The following MSN variants were observed in gnomAD, a reference collection of about 807,000 sequenced individuals.
The protein encoded by MSN is epididymis luminal protein 70.
Under a neutral mutation model 48.0 loss-of-function variants are expected in MSN, and 2 were observed. The observed-to-expected ratio is 0.04, with a 90% CI of 0.02 to 0.13. The LOEUF is 0.13. Ranked by LOEUF, MSN falls within the 10% of genes least tolerant of loss-of-function variation. The pLI is 1.00. For missense variants in MSN, 267 were observed against 470.1 expected, an observed-to-expected ratio of 0.57 and a Z score of 3.99; for synonymous variants, 146 against 166.9, an observed-to-expected ratio of 0.87 and a Z score of 0.97.
intron 1 of MSN, among the ~76,000 whole-genome samples, chrX:65,678,162 C>G (rs747869091): frequency 5.4e-5 from 6 of 111,740 alleles, no homozygotes; most frequent in Non-Finnish European, 1.1e-4. Context: ...TTTCTCCCCC[C>G]TCAAGTTACT....
intron 1 of MSN, among the ~76,000 whole-genome samples, chrX:65,704,693 T>C (rs761535854): frequency 1.1e-4 from 12 of 109,987 alleles, no homozygotes; most frequent in Admixed American, 2.0e-4. Context: ...AATAATAGTA[T>C]GCTTGAAGTA....
intron 1 of MSN, among the ~76,000 whole-genome samples, chrX:65,643,412 G>A (rs10284129): frequency 0.11 from 12,159 of 109,858 alleles, 1,705 homozygotes; most frequent in African/African-American, 0.38. Flanking sequence ...GGGAGGAGAC[G>A]TTTGGGGAGG....
intron 2 of MSN, among the ~76,000 whole-genome samples, chrX:65,718,549 G>A (rs1222788568): frequency 9.0e-6 from 1 of 111,610 alleles, no homozygotes; most frequent in African/African-American, 3.3e-5. Context: ...TGGAGTTGAC[G>A]TGATGTGGTG....
chrX:65,607,886 G>A (rs985774790), intron 1 of MSN, among the ~76,000 whole-genome samples: 3 of 111,881 alleles, frequency 2.7e-5, no homozygotes, highest in Non-Finnish European at 3.8e-5. Context: ...TACTCAGGAG[G>A]TTGAGGCAGG....
At chrX:65,736,636 C>T in intron 8 of MSN, among the ~76,000 whole-genome samples, 159 bp from the exon 9 acceptor site, 1 of 110,411 alleles carries the variant, frequency 9.1e-6, no homozygotes, top group Non-Finnish European at 1.9e-5. Context: ...CGGGGTTTCA[C>T]TGTGTTAGCC....
At chrX:65,670,875 A>C (rs1262920187) in intron 1 of MSN, among the ~76,000 whole-genome samples, 4 of 77,673 alleles carry the variant, frequency 5.1e-5, no homozygotes, top group African/African-American at 1.9e-4. Context: ...TGCCATCTAC[A>C]TTTTTTGGTG....
intron 1 of MSN, among the ~76,000 whole-genome samples, chrX:65,599,927 A>G (rs2070220188): frequency 9.1e-6 from 1 of 110,245 alleles, no homozygotes; most frequent in Non-Finnish European, 1.9e-5. Context: ...TCCCTCTGGC[A>G]GGCAGCCCTA....
chrX:65,667,022 A>C (rs1042652854), upstream of MSN, among the ~76,000 whole-genome samples: 3 of 112,111 alleles, frequency 2.7e-5, no homozygotes, highest in African/African-American at 9.7e-5. Context: ...AAGATAAATG[A>C]GGACTGAGCA....
chrX:65,725,959 G>A (rs1392365827), intron 2 of MSN, among the ~76,000 whole-genome samples: 1 of 112,122 alleles, frequency 8.9e-6, no homozygotes, highest in Non-Finnish European at 1.9e-5. Context: ...TAAGGAAGGC[G>A]AGGCCCAGAG....
intron 2 of MSN, among the ~76,000 whole-genome samples, chrX:65,723,707 A>G (rs1357904432): frequency 1.8e-5 from 2 of 111,993 alleles, no homozygotes; most frequent in Non-Finnish European, 3.8e-5. Flanking sequence ...TGGCTTGGAA[A>G]AGGGGTTTAG....
chrX:65,699,037 C>T (rs564950125), intron 1 of MSN, among the ~76,000 whole-genome samples: 1 of 112,119 alleles, frequency 8.9e-6, no homozygotes, highest in Middle Eastern at 4.6e-3. Flanking sequence ...GGGTTACAAA[C>T]TGTTTGGCTG....
chrX:65,728,649 G>T (rs201139131), intron 3 of MSN, among the ~76,000 whole-genome samples: 66 of 111,468 alleles, frequency 5.9e-4, no homozygotes, highest in East Asian at 5.6e-4. Flanking sequence ...AAATCTGAAA[G>T]ATCTTACAGT....
At chrX:65,735,234 C>CCAAATTCTTTCTGATTG (rs1396867901) in intron 7 of MSN, 33 bp from the exon 8 acceptor site, 2 of 1,202,983 alleles carry the variant, frequency 1.7e-6, no homozygotes, top group Non-Finnish European at 2.2e-6. Flanking sequence ...ACCTGTCCCT[C>CCAAATTCTTTCTGATTG]CAAATTCTTT....
At chrX:65,728,573 A>C (rs997688141) in intron 3 of MSN, among the ~76,000 whole-genome samples, 1 of 111,294 alleles carries the variant, frequency 9.0e-6, no homozygotes, top group Non-Finnish European at 1.9e-5. Flanking sequence ...GATTACAGGC[A>C]TGAGCTACTG....
At chrX:65,637,530 C>T (rs1382848254) in intron 1 of MSN, among the ~76,000 whole-genome samples, 1 of 111,279 alleles carries the variant, frequency 9.0e-6, no homozygotes, top group Non-Finnish European at 1.9e-5. Flanking sequence ...TCTCTGTCCC[C>T]AACCCCCACC....
chrX:65,648,902 T>A (rs867021668), intron 1 of MSN, among the ~76,000 whole-genome samples: 2 of 106,105 alleles, frequency 1.9e-5, no homozygotes, highest in Admixed American at 1.0e-4. Context: ...ATAAAATAAA[T>A]AAAATAAAAT....
chrX:65,621,282 TG>T (rs1030283167), intron 1 of MSN, among the ~76,000 whole-genome samples: 1 of 111,958 alleles, frequency 8.9e-6, no homozygotes, highest in African/African-American at 3.2e-5. Flanking sequence ...ACTTGATTTT[TG>T]TACATGGTGT....
chrX:65,646,135 G>A (rs1271663758), intron 1 of MSN, among the ~76,000 whole-genome samples: 2 of 111,918 alleles, frequency 1.8e-5, no homozygotes, highest in Non-Finnish European at 3.8e-5. Context: ...CATAACTGAA[G>A]CATGAGTATA....
intron 1 of MSN, among the ~76,000 whole-genome samples, chrX:65,690,354 C>A (rs2071160627): frequency 9.0e-6 from 1 of 111,427 alleles, no homozygotes. Context: ...TCTAACAGTT[C>A]AATTGGACAT....
Sources: gnomAD v4.1 joint callset for allele counts (sites outside exome capture counted in the v4.1 genomes callset) on GRCh38, gnomAD v4.1.1 for gene constraint, MANE v1.5 for transcripts, NCBI Gene and HGNC (gene_info 2026-07-23, HGNC 2026-07-21) for gene names.